The following RPS6KA2 variants were observed in gnomAD, a reference collection of about 807,000 sequenced individuals.
RPS6KA2 encodes the protein ribosomal protein S6 kinase alpha-2.
A neutral mutation model predicts 91.8 loss-of-function variants in RPS6KA2; 42 were observed. The ratio of observed to expected loss-of-function variants is 0.46; its 90% CI spans 0.36 to 0.59. RPS6KA2 has a LOEUF of 0.59. Ranked by LOEUF, RPS6KA2 falls within the 20% of genes least tolerant of loss-of-function variation. RPS6KA2 has a pLI of 0.00. For synonymous variants in RPS6KA2, 414 were observed against 393.6 expected (o/e 1.05, Z -0.61); for missense variants, 798 against 978.5 (o/e 0.82, Z 2.46).
chr6:166,603,996 A>G lies in RPS6KA2; in HGVS notation c.99+22925T>C, dbSNP rs186755906. Among the ~76,000 whole-genome samples the G allele has an allele frequency of 6.6e-6, 1 of 152,346 alleles. No homozygotes were observed. Among genetic ancestry groups the G allele is most frequent in the East Asian group, 1.9e-4 (1 of 5,184 alleles). On this transcript the variant is annotated intron_variant, in intron 1 of 20. Coordinates refer to ENST00000265678, the MANE Select transcript of RPS6KA2 (RefSeq NM_021135.6). The surrounding 1 kb of genome is among the most constrained non-coding windows in gnomAD (Gnocchi z 4.3). ...GTCCCTCCTAGAAGTCACGAAGAGA[A>G]AAGGGCGAGACTATGAAACAAAGTG...
At chr6:166,429,949 G>T (rs1332376270) in intron 16 of RPS6KA2, among the ~76,000 whole-genome samples, 4 of 150,622 alleles carry the variant, frequency 2.7e-5, no homozygotes, top group African/African-American at 4.9e-5. Context: ...AGGGAAAAAA[G>T]AATTTTTCTT....
chr6:166,571,735 A>G (rs1467044645), intron 1 of RPS6KA2, among the ~76,000 whole-genome samples: 4 of 151,874 alleles, frequency 2.6e-5, no homozygotes, highest in Admixed American at 2.0e-4. Context: ...AATATCTAAC[A>G]TTTGCCACGT....
intron 2 of RPS6KA2, among the ~76,000 whole-genome samples, chr6:166,693,111 T>C (rs533086604): frequency 1.4e-4 from 21 of 152,342 alleles, no homozygotes; most frequent in African/African-American, 5.1e-4. Context: ...GGCTACTCTT[T>C]CCGTTGGGTG....
chr6:166,691,645 C>A (rs1256290519), intron 2 of RPS6KA2, among the ~76,000 whole-genome samples: 3 of 152,172 alleles, frequency 2.0e-5, no homozygotes, highest in African/African-American at 7.2e-5. Flanking sequence ...CATTTTGACA[C>A]GACTTACCTG....
At chr6:166,820,703 T>TTA (rs879310398) in intron 2 of RPS6KA2, among the ~76,000 whole-genome samples, 2 of 152,298 alleles carry the variant, frequency 1.3e-5, no homozygotes, top group African/African-American at 4.8e-5. Flanking sequence ...TAATTTTGAT[T>TTA]TATATATATA....
intron 2 of RPS6KA2, among the ~76,000 whole-genome samples, chr6:166,803,586 C>T (rs577646684): frequency 6.6e-6 from 1 of 152,326 alleles, no homozygotes; most frequent in Admixed American, 6.5e-5. Context: ...AACTACTGGC[C>T]TCTGCCAGGA....
chr6:166,491,601 C>T (rs760791311), intron 8 of RPS6KA2, among the ~76,000 whole-genome samples: 32 of 152,180 alleles, frequency 2.1e-4, no homozygotes, highest in Non-Finnish European at 4.6e-4. Flanking sequence ...GTTTAAATTA[C>T]GGGGAAGCAG....
chr6:166,628,549 G>A (rs1402190725), upstream of RPS6KA2, among the ~76,000 whole-genome samples: 1 of 152,258 alleles, frequency 6.6e-6, no homozygotes, highest in Non-Finnish European at 1.5e-5. Flanking sequence ...CCTTAAATAA[G>A]AGCTTTAAAG....
intron 2 of RPS6KA2, among the ~76,000 whole-genome samples, chr6:166,778,330 C>A (rs926840717): frequency 3.3e-5 from 5 of 152,250 alleles, no homozygotes; most frequent in Admixed American, 3.3e-4. Context: ...TATATCAATA[C>A]ATTCAAGATG....
chr6:166,860,749 A>C (rs1387757190), intron 1 of RPS6KA2, among the ~76,000 whole-genome samples: 3 of 152,354 alleles, frequency 2.0e-5, no homozygotes, highest in Admixed American at 6.5e-5. Context: ...GTAAATGAGA[A>C]AAGAACTTCT....
chr6:166,815,632 C>G (rs1243534196), intron 2 of RPS6KA2, among the ~76,000 whole-genome samples: 7 of 152,268 alleles, frequency 4.6e-5, no homozygotes, highest in Middle Eastern at 3.4e-3. Flanking sequence ...TCTCTTCTCC[C>G]CAGTATGCAG....
intron 2 of RPS6KA2, among the ~76,000 whole-genome samples, chr6:166,689,658 T>C (rs1409405821): frequency 6.6e-6 from 1 of 152,156 alleles, no homozygotes; most frequent in Non-Finnish European, 1.5e-5. Flanking sequence ...TGTGGGAGAC[T>C]GAGTGCAGGC....
intron 14 of RPS6KA2, among the ~76,000 whole-genome samples, chr6:166,441,990 A>G (rs571189102): frequency 1.4e-3 from 219 of 152,314 alleles, no homozygotes; most frequent in African/African-American, 5.1e-3. Context: ...CAGCACTTAC[A>G]CAGCTGAACC....
intron 20 of RPS6KA2, among the ~76,000 whole-genome samples, chr6:166,413,135 G>C (rs1778371918): frequency 6.6e-6 from 1 of 152,098 alleles, no homozygotes; most frequent in Non-Finnish European, 1.5e-5. Context: ...CACTGTGCTT[G>C]TGCCTTGGGG....
At chr6:166,819,872 AG>A (rs947207049) in intron 2 of RPS6KA2, among the ~76,000 whole-genome samples, 3 of 152,194 alleles carry the variant, frequency 2.0e-5, no homozygotes, top group Non-Finnish European at 2.9e-5. Context: ...ATTACTAGAA[AG>A]GGGAGCTCTG....
intron 2 of RPS6KA2, among the ~76,000 whole-genome samples, chr6:166,642,773 G>C (rs552400854): frequency 1.9e-4 from 29 of 152,188 alleles, no homozygotes; most frequent in Non-Finnish European, 3.8e-4. Context: ...AATACCAACT[G>C]TTGGGAAGGG....
intron 2 of RPS6KA2, among the ~76,000 whole-genome samples, chr6:166,721,203 A>G (rs573973276): frequency 1.2e-4 from 19 of 152,234 alleles, no homozygotes; most frequent in Non-Finnish European, 2.5e-4. Context: ...AAGGACAAAT[A>G]ACACAGGAAA....
At chr6:166,581,014 G>A (rs971706563) in intron 1 of RPS6KA2, among the ~76,000 whole-genome samples, 3 of 152,144 alleles carry the variant, frequency 2.0e-5, no homozygotes, top group Non-Finnish European at 2.9e-5. Flanking sequence ...CGATTCTCCT[G>A]CCTCAGCTTC....
intron 10 of RPS6KA2, among the ~76,000 whole-genome samples, chr6:166,484,158 C>T (rs770078791): frequency 6.6e-6 from 1 of 152,240 alleles, no homozygotes; most frequent in African/African-American, 2.4e-5. Context: ...TCAGGCTCGA[C>T]TCAACTCCAC....
Sources: allele counts gnomAD v4.1 joint callset (sites outside exome capture counted in the v4.1 genomes callset), GRCh38; gene constraint gnomAD v4.1.1; non-coding constraint Gnocchi (gnomAD v3.1); transcripts MANE v1.5; gene names NCBI Gene and HGNC (gene_info 2026-07-23, HGNC 2026-07-21).